RIT2: variants seen among roughly 807,000 people sequenced by gnomAD.
RIT2 encodes Ras like without CAAX 2, also known as GTP-binding protein Rit2.
RIT2 carries 24 observed loss-of-function variants against 23.7 expected under a neutral mutation model. The observed-to-expected ratio is 1.01, with a 90% confidence interval of 0.73 to 1.43. The LOEUF is 1.43. RIT2 is among the 40% of genes most tolerant of loss of function. The pLI, the probability that RIT2 is intolerant of heterozygous loss-of-function variation, is 0.00. For missense variants in RIT2, 236 were observed against 266.9 expected, an observed-to-expected ratio of 0.88 and a Z score of 0.81; for synonymous variants, 107 against 91.1, an observed-to-expected ratio of 1.17 and a Z score of -0.99.
intron 4 of RIT2, among the ~76,000 whole-genome samples, chr18:42,853,116 G>C (rs1422030823): frequency 2.0e-5 from 3 of 152,272 alleles, no homozygotes; most frequent in African/African-American, 7.2e-5. Context: ...TTACAGGCAT[G>C]AGCCACCATG....
intron 1 of RIT2, among the ~76,000 whole-genome samples, chr18:43,064,495 G>C (rs1158492589): frequency 6.6e-6 from 1 of 152,124 alleles, no homozygotes; most frequent in Non-Finnish European, 1.5e-5. Context: ...ATTAAATAAA[G>C]AGATGCAATT....
chr18:43,109,529 C>A (rs1410878082), intron 1 of RIT2, among the ~76,000 whole-genome samples: 1 of 152,264 alleles, frequency 6.6e-6, no homozygotes, highest in East Asian at 1.9e-4. Context: ...TACTTTTCTT[C>A]TTCAGCATCA....
chr18:42,889,599 A>T (rs1908117685), intron 4 of RIT2, among the ~76,000 whole-genome samples: 1 of 152,110 alleles, frequency 6.6e-6, no homozygotes, highest in African/African-American at 2.4e-5. Flanking sequence ...AAACTGAAAA[A>T]TCAGTGATTT....
intron 1 of RIT2, among the ~76,000 whole-genome samples, chr18:43,063,272 A>AGGTAT (rs1468840540): frequency 6.6e-6 from 1 of 152,158 alleles, no homozygotes; most frequent in African/African-American, 2.4e-5. Context: ...TACCTGTGTC[A>AGGTAT]GGAATTTTTC....
At chr18:42,774,167 T>A (rs1913612243) in intron 4 of RIT2, among the ~76,000 whole-genome samples, 1 of 148,338 alleles carries the variant, frequency 6.7e-6, no homozygotes, top group Non-Finnish European at 1.5e-5. Context: ...TTACAAAATG[T>A]TTTTTTTTCT....
At chr18:42,933,411 TG>T (rs1308007099) in intron 3 of RIT2, among the ~76,000 whole-genome samples, 1 of 152,140 alleles carries the variant, frequency 6.6e-6, no homozygotes, top group Non-Finnish European at 1.5e-5. Flanking sequence ...CCTTGTGAAA[TG>T]GTTTGGCTGT....
At chr18:42,873,740 T>C (rs1406813084) in intron 4 of RIT2, among the ~76,000 whole-genome samples, 1 of 152,096 alleles carries the variant, frequency 6.6e-6, no homozygotes, top group Non-Finnish European at 1.5e-5. Context: ...AAAGCAAGTC[T>C]TCAAAAAGAA....
intron 4 of RIT2, among the ~76,000 whole-genome samples, chr18:42,775,796 G>T (rs1247753328): frequency 6.6e-6 from 1 of 151,768 alleles, no homozygotes; most frequent in Admixed American, 6.6e-5. Context: ...CCCATCTATG[G>T]ATTTCCTCTT....
At chr18:43,001,407 T>G (rs2144242216) in intron 2 of RIT2, among the ~76,000 whole-genome samples, 1 of 151,918 alleles carries the variant, frequency 6.6e-6, no homozygotes, top group African/African-American at 2.4e-5. Flanking sequence ...AGGAAAAAAA[T>G]GTATAAGCAA....
rs143745813 is a variant in RIT2 at position 43,036,037 on chromosome 18, C to T, written c.104-2170G>A. On this transcript the variant is annotated intron_variant, in intron 1 of 4. Coordinates refer to ENST00000326695, the MANE Select transcript of RIT2 (RefSeq NM_002930.4). ...GATAGTCATGGAAGCTATCAAGAAG[C>T]AATAGAAAGAACTGTTATGGGCTAA... Among the ~76,000 whole-genome samples the T allele has an allele frequency of 1.6e-3, 248 of 152,190 alleles. 1 individual carries two copies. The highest frequency in any genetic ancestry group is 5.6e-3 in the African/African-American group (232 of 41,510).
At chr18:42,796,425 G>C (rs1393778967) in intron 4 of RIT2, among the ~76,000 whole-genome samples, 1 of 151,982 alleles carries the variant, frequency 6.6e-6, no homozygotes, top group African/African-American at 2.4e-5. Flanking sequence ...GAGGGTCCGC[G>C]GCTTCATTCT....
rs1373534775 is a variant in RIT2, at chr18:43,008,368, T to C, written c.160+25443A>G. 2.6e-5 allele frequency among the ~76,000 whole-genome samples: 4 copies of C among 151,452 alleles called. No individual in the cohort carries two copies. The East Asian group carries it at 7.8e-4, about 29-fold the overall frequency. On this transcript the variant is annotated intron_variant, in intron 2 of 4. Transcript: ENST00000326695. The stretch of plus-strand genomic sequence containing the variant: ...TAATGGTAAACTATAGTTCTACTTT[T>C]ATCAATGGAGTTATAAAATTATAAA...
At chr18:43,087,014 C>T (rs1461878067) in intron 1 of RIT2, among the ~76,000 whole-genome samples, 1 of 152,072 alleles carries the variant, frequency 6.6e-6, no homozygotes, top group African/African-American at 2.4e-5. Flanking sequence ...CTTTGGGAGG[C>T]TCAGGCGGGT....
At chr18:43,010,547 A>G (rs574180755) in intron 2 of RIT2, among the ~76,000 whole-genome samples, 273 of 151,992 alleles carry the variant, frequency 1.8e-3, no homozygotes, top group Middle Eastern at 3.4e-3. Flanking sequence ...GGTTTGAGTC[A>G]TTAATAATAA....
rs1910132688 is a variant in RIT2, at chr18:42,963,242, A to G, written c.234+10832T>C. Among the ~76,000 whole-genome samples, 3 of 152,190 alleles carry G rather than the reference A, an allele frequency of 2.0e-5. No individual in the cohort carries two copies. In the South Asian group the frequency reaches 6.2e-4, roughly 32 times the overall value. ...TATGTTTAATAGAAAATAGTCTTGA[A>G]CCAGAAAAATCCAGGATATATTATT... On this transcript the variant is annotated intron_variant, in intron 3 of 4. Coordinates refer to ENST00000326695, the MANE Select transcript of RIT2 (RefSeq NM_002930.4).
chr18:42,800,092 T>TAA (rs1905483321), intron 4 of RIT2, among the ~76,000 whole-genome samples: 1 of 152,218 alleles, frequency 6.6e-6, no homozygotes, highest in Non-Finnish European at 1.5e-5. Context: ...AAACATTGGT[T>TAA]AATCAAAAGA....
rs138453419 is a variant in RIT2 at position 42,996,803 on chromosome 18, C to T, written c.161-22656G>A. Among the ~76,000 whole-genome samples, 366 of 152,232 alleles carry T rather than the reference C, an allele frequency of 2.4e-3. 2 individuals carry two copies. Among genetic ancestry groups the T allele is most frequent in the African/African-American group, 8.2e-3 (339 of 41,560 alleles). The stretch of plus-strand genomic sequence containing the variant: ...GTTTGGTGGTCTCTTCACATGGATG[C>T]GCATGAAAGAAATCATCCTAGAAAA... On this transcript the variant is annotated intron_variant, in intron 2 of 4. Transcript: ENST00000326695.
chr18:42,923,822 G>T, intron 3 of RIT2, 59 bp from the exon 4 acceptor site: 2 of 1,266,772 alleles, frequency 1.6e-6, no homozygotes, highest in African/African-American at 1.5e-5. Flanking sequence ...ATTAATATGA[G>T]GTTTAAATGT....
intron 4 of RIT2, among the ~76,000 whole-genome samples, chr18:42,871,374 TTGTG>T (rs945702649): frequency 3.3e-5 from 5 of 151,924 alleles, no homozygotes; most frequent in African/African-American, 1.2e-4. Context: ...AAGTGTGTGT[TTGTG>T]TGTGTGTGTA....
Sources: gnomAD v4.1 joint callset for allele counts (sites outside exome capture counted in the v4.1 genomes callset) on GRCh38, gnomAD v4.1.1 for gene constraint, MANE v1.5 for transcripts, NCBI Gene and HGNC (gene_info 2026-07-23, HGNC 2026-07-21) for gene names.